Variants in NRG2 observed in about 807,000 individuals in gnomAD.
NRG2 encodes the protein neuregulin 2.
In NRG2, 27 loss-of-function variants were observed where a neutral mutation model predicts 73.9. That is an observed-to-expected ratio of 0.37 (90% CI 0.27 to 0.50). The LOEUF (loss-of-function observed/expected upper bound fraction) is 0.50. NRG2 is among the 20% of genes least tolerant of loss of function. NRG2 has a pLI of 0.96. For missense variants in NRG2, 1,126 were observed against 1,210.1 expected (o/e 0.93, Z 1.03); for synonymous variants, 532 against 541.0 (o/e 0.98, Z 0.23).
intron 1 of NRG2, among the ~76,000 whole-genome samples, chr5:139,967,898 G>A (rs2126521985): frequency 6.6e-6 from 1 of 152,120 alleles, no homozygotes; most frequent in African/African-American, 2.4e-5. Context: ...GGCAGAGGTT[G>A]CAGTGAGCTG....
intron 1 of NRG2, among the ~76,000 whole-genome samples, chr5:139,971,070 C>T (rs1337971512): frequency 2.0e-5 from 3 of 152,120 alleles, no homozygotes; most frequent in Non-Finnish European, 4.4e-5. Flanking sequence ...CTCAGTTTCC[C>T]CAACATGGGG....
At chr5:140,015,470 A>C (rs1178798170) in intron 1 of NRG2, among the ~76,000 whole-genome samples, 2 of 152,214 alleles carry the variant, frequency 1.3e-5, no homozygotes, top group Non-Finnish European at 2.9e-5. Flanking sequence ...GGGATGTGAC[A>C]TATTCATCTT....
chr5:140,015,819 T>C (rs1759723486), intron 1 of NRG2, among the ~76,000 whole-genome samples: 1 of 152,228 alleles, frequency 6.6e-6, no homozygotes, highest in African/African-American at 2.4e-5. Context: ...CACGGTGATC[T>C]CAAAAGTAAC....
chr5:139,897,017 A>G (rs763894826), intron 1 of NRG2, among the ~76,000 whole-genome samples: 5 of 152,108 alleles, frequency 3.3e-5, no homozygotes, highest in Non-Finnish European at 7.3e-5. Flanking sequence ...TCCCTTCAGG[A>G]ATCGTATATT....
chr5:139,958,300 C>A (rs1027204620), intron 1 of NRG2, among the ~76,000 whole-genome samples: 10 of 152,066 alleles, frequency 6.6e-5, no homozygotes, highest in African/African-American at 2.4e-4. Context: ...TGGGAATGGG[C>A]TGCTGTGTGG....
rs1274331939 is a variant in NRG2, at chr5:139,848,123, C to G, written c.2347G>C (p.Asp783His). 4.1e-6 allele frequency: 6 copies of G among 1,471,374 alleles called. No individual in the cohort carries two copies. Among genetic ancestry groups the G allele is most frequent in the Non-Finnish European group, 5.4e-6 (6 of 1,119,068 alleles). The allele number at this position is 1,471,374 out of a possible 1,614,324, so 91.1% of individuals were successfully genotyped here. Residue 783 changes from aspartate to histidine, a missense_variant, in exon 10 of 10, where the codon GAC becomes CAC. By Grantham distance (81) the Asp-to-His change is moderately conservative. Around this residue, in one of 3 missense-constraint regions of NRG2, gnomAD observed 402 missense variants for 357.8 expected, o/e 1.12. Coordinates refer to ENST00000361474, the MANE Select transcript of NRG2 (RefSeq NM_004883.3). ...TCGGCCGCCAGCGCCCCGTCCGCGT[C>G]GTCCGCGTCGTCGTCCGACGCCGAG... is the stretch of plus-strand genomic sequence containing the variant. The part of the protein sequence containing the change: ...SASASDDDAD[D>H]ADGALAAEST...
chr5:139,850,329 G>C (rs988774811), intron 9 of NRG2, among the ~76,000 whole-genome samples: 5 of 152,242 alleles, frequency 3.3e-5, no homozygotes, highest in African/African-American at 1.2e-4. Context: ...AAATCACACA[G>C]GTGGTGGAGC....
At chr5:140,026,226 G>GT (rs1265621199) in intron 1 of NRG2, among the ~76,000 whole-genome samples, 1 of 152,238 alleles carries the variant, frequency 6.6e-6, no homozygotes, top group African/African-American at 2.4e-5. Flanking sequence ...TCACAGATAG[G>GT]TAGGGGCCAA....
chr5:139,897,796 C>T (rs545742593), intron 1 of NRG2, among the ~76,000 whole-genome samples: 2 of 152,322 alleles, frequency 1.3e-5, no homozygotes, highest in African/African-American at 4.8e-5. Flanking sequence ...TCCCTGCCAG[C>T]CCAAACAGGC....
intron 1 of NRG2, among the ~76,000 whole-genome samples, chr5:139,969,555 A>G (rs1231241376): frequency 1.3e-5 from 2 of 152,242 alleles, no homozygotes; most frequent in Non-Finnish European, 2.9e-5. Context: ...CAGTTTTTGT[A>G]CAGGGATCTT....
chr5:139,855,235 C>A (rs1005914192), intron 6 of NRG2, among the ~76,000 whole-genome samples: 1 of 152,244 alleles, frequency 6.6e-6, no homozygotes, highest in Non-Finnish European at 1.5e-5. Flanking sequence ...CTCCCCAACA[C>A]TACCTAGTAC....
chr5:139,878,030 C>T (rs1343036611), intron 3 of NRG2, among the ~76,000 whole-genome samples: 3 of 152,170 alleles, frequency 2.0e-5, no homozygotes, highest in Non-Finnish European at 4.4e-5. Flanking sequence ...GGAGGGCTGA[C>T]AGTAATCCGT....
Position 139,915,149 on chromosome 5 carries a change from A to G in NRG2, c.701-27638T>C, listed in dbSNP as rs982615306. The stretch of plus-strand genomic sequence containing the variant: ...TTCCCATTAAGCTTCTTTCAGACAA[A>G]CCGGCTTAATGTAATTACGGAAATG... On this transcript the variant is annotated intron_variant, in intron 1 of 9. Transcript: ENST00000361474. This position sits in a 1 kb window ranked among gnomAD's most constrained non-coding sequence, Gnocchi z 4.0. Among the ~76,000 whole-genome samples the G allele has an allele frequency of 1.3e-5, 2 of 152,244 alleles. No homozygotes were observed. The highest frequency in any genetic ancestry group is 4.8e-5 in the African/African-American group (2 of 41,458).
intron 3 of NRG2, among the ~76,000 whole-genome samples, chr5:139,872,806 A>G (rs1762946043): frequency 6.6e-6 from 1 of 152,242 alleles, no homozygotes; most frequent in Non-Finnish European, 1.5e-5. Context: ...GCTAGCTTCA[A>G]GTGAACATTC....
At chr5:139,862,852 G>A (rs1215944533) in intron 5 of NRG2, among the ~76,000 whole-genome samples, 1 of 152,260 alleles carries the variant, frequency 6.6e-6, no homozygotes, top group Non-Finnish European at 1.5e-5. Context: ...TGACCCGTGG[G>A]GAATGGAGGG....
At chr5:140,020,980 C>T (rs1275830472) in intron 1 of NRG2, among the ~76,000 whole-genome samples, 1 of 152,100 alleles carries the variant, frequency 6.6e-6, no homozygotes, top group African/African-American at 2.4e-5. Context: ...TGTGGCCTTG[C>T]CCTTTAAGTC....
intron 1 of NRG2, among the ~76,000 whole-genome samples, chr5:139,951,590 GA>G (rs1478497669): frequency 2.2e-5 from 3 of 139,254 alleles, no homozygotes; most frequent in Admixed American, 7.0e-5. Context: ...CTCCTCTAAT[GA>G]GGTTTCTCTG....
intron 1 of NRG2, among the ~76,000 whole-genome samples, chr5:139,956,962 T>C (rs1259739802): frequency 6.6e-6 from 1 of 152,178 alleles, no homozygotes; most frequent in Non-Finnish European, 1.5e-5. Context: ...ACCAAATGGC[T>C]TTCCCCCTGA....
At chr5:140,034,468 C>T (rs1761367020) in intron 1 of NRG2, among the ~76,000 whole-genome samples, 1 of 152,120 alleles carries the variant, frequency 6.6e-6, no homozygotes, top group Non-Finnish European at 1.5e-5. Context: ...CAACATTGCA[C>T]TTTGGCAGTC....
Sources: gnomAD v4.1 joint callset for allele counts (sites outside exome capture counted in the v4.1 genomes callset) on GRCh38, gnomAD v4.1.1 for gene constraint, gnomAD v4.1.1 regional missense constraint, Gnocchi (gnomAD v3.1) non-coding constraint, MANE v1.5 for transcripts, NCBI Gene and HGNC (gene_info 2026-07-23, HGNC 2026-07-21) for gene names.